PIP5K1C: variants seen among roughly 807,000 people sequenced by gnomAD.
The protein encoded by PIP5K1C is phosphatidylinositol-4-phosphate 5-kinase type 1 gamma, also known as phosphatidylinositol 4-phosphate 5-kinase type-1 gamma.
PIP5K1C carries 45 observed loss-of-function variants against 80.1 expected under a neutral mutation model. That is an observed-to-expected ratio of 0.56 (90% CI 0.44 to 0.72). The LOEUF (loss-of-function observed/expected upper bound fraction) is 0.72, where lower values mean the gene tolerates loss of function less well. Ranked by LOEUF, PIP5K1C falls within the 30% of genes least tolerant of loss-of-function variation. The pLI, the probability that PIP5K1C is intolerant of heterozygous loss-of-function variation, is 0.00. For synonymous variants in PIP5K1C, 498 were observed against 420.1 expected, an observed-to-expected ratio of 1.19 and a Z score of -2.27; for missense variants, 753 against 954.6, an observed-to-expected ratio of 0.79 and a Z score of 2.78.
Position 3,661,994 on chromosome 19 carries a change from G to T in PIP5K1C, c.227C>A (p.Ser76Tyr). ...CTGGATGGCACCCTTCAGGGTGGAG[G>T]AGGTGGTCTGCAGGGAGACCAGAGT... ...SGETTYKKTT[S>Y]STLKGAIQLG... Residue 76 changes from serine (S) to tyrosine (Y), a missense_variant, in exon 4 of 18, where the codon TCC becomes TAC. Ser to Tyr is a moderately radical substitution (Grantham distance 144). Transcript: ENST00000335312. 1 of 1,595,824 alleles carries T rather than the reference G, an allele frequency of 6.3e-7. No individual in the cohort carries two copies. The highest frequency in any genetic ancestry group is 8.5e-7 in the Non-Finnish European group (1 of 1,173,220).
Position 3,696,894 on chromosome 19 carries a change from TC to T in PIP5K1C, c.94+3402del, listed in dbSNP as rs1338724765. On this transcript the variant is annotated intron_variant, in intron 1 of 17. Coordinates refer to ENST00000335312, the MANE Select transcript of PIP5K1C (RefSeq NM_012398.3). This position sits in a 1 kb window ranked among gnomAD's most constrained non-coding sequence, Gnocchi z 4.1. The stretch of plus-strand genomic sequence containing the variant: ...GGGCCGCTGGTTTTTAATGGGGTCC[TC>T]CTGGAATGTGGGACAGGGAGCAGAG... Among the ~76,000 whole-genome samples, 1 of 152,130 alleles carries T rather than the reference TC, an allele frequency of 6.6e-6. No individual in the cohort carries two copies. The highest frequency in any genetic ancestry group is 1.5e-5 in the Non-Finnish European group (1 of 68,016).
chr19:3,686,376 C>T (rs926220906), intron 1 of PIP5K1C, among the ~76,000 whole-genome samples: 4 of 151,044 alleles, frequency 2.6e-5, no homozygotes, highest in Admixed American at 6.6e-5. Context: ...GCTGAGATCA[C>T]GCCACTGCAC....
At chr19:3,667,383 A>G in intron 1 of PIP5K1C, 30 bp from the exon 2 acceptor site, 2 of 1,612,688 alleles carry the variant, frequency 1.2e-6, no homozygotes, top group Non-Finnish European at 1.7e-6. Flanking sequence ...GGTATCAGAC[A>G]GGAAACCGGT....
intron 4 of PIP5K1C, 58 bp from the exon 5 acceptor site, chr19:3,661,141 C>G: frequency 8.5e-7 from 1 of 1,177,974 alleles, no homozygotes; most frequent in Non-Finnish European, 1.3e-6. Context: ...CTCCCCCACC[C>G]CCGCCATGGT....
rs149038860 is a variant in PIP5K1C at position 3,688,256 on chromosome 19, G to A, written c.94+12041C>T. 0.017 allele frequency among the ~76,000 whole-genome samples: 2,642 copies of A among 152,310 alleles called. 29 individuals carry two copies. The highest frequency in any genetic ancestry group is 0.029 in the Non-Finnish European group (2,001 of 68,014). On this transcript the variant is annotated intron_variant, in intron 1 of 17. Transcript: ENST00000335312. The surrounding 1 kb of genome is among the most constrained non-coding windows in gnomAD (Gnocchi z 5.3). Reference sequence around the variant, plus strand: ...CGTCCCTGTCCTCCAGGGGCGCAGCGTCCCTCCGGGGAGTACAGTGTCCCT... The same window carrying A: ...CGTCCCTGTCCTCCAGGGGCGCAGCATCCCTCCGGGGAGTACAGTGTCCCT...
rs1030119995 is a variant in PIP5K1C, at chr19:3,696,332, G to A, written c.94+3965C>T. Reference sequence around the variant, plus strand: ...AGCTCTTCCGGGCGCAGGGGATGCCGCAGGAGTGGCACAGACGGTCTTGGC... The same window carrying A: ...AGCTCTTCCGGGCGCAGGGGATGCCACAGGAGTGGCACAGACGGTCTTGGC... On this transcript the variant is annotated intron_variant, in intron 1 of 17. Coordinates refer to ENST00000335312, the MANE Select transcript of PIP5K1C (RefSeq NM_012398.3). The surrounding 1 kb of genome is among the most constrained non-coding windows in gnomAD (Gnocchi z 4.1). 2.6e-5 allele frequency among the ~76,000 whole-genome samples: 4 copies of A among 152,214 alleles called. No individual in the cohort carries two copies. The highest frequency in any genetic ancestry group is 4.8e-5 in the African/African-American group (2 of 41,450).
At chr19:3,667,210 G>A (rs1031868449) in intron 2 of PIP5K1C, 112 bp downstream of exon 2, 1 of 886,130 alleles carries the variant, frequency 1.1e-6, no homozygotes, top group Non-Finnish European at 1.8e-6. Context: ...GACGGCATTT[G>A]GGGCCCAGAG....
At chr19:3,693,321 G>A (rs963066955) in intron 1 of PIP5K1C, among the ~76,000 whole-genome samples, 3 of 152,120 alleles carry the variant, frequency 2.0e-5, no homozygotes, top group Admixed American at 6.6e-5. Context: ...GCCAGAGGCC[G>A]GGTCCCCTCG....
chr19:3,671,728 T>C (rs2035211387), intron 1 of PIP5K1C, among the ~76,000 whole-genome samples: 1 of 152,208 alleles, frequency 6.6e-6, no homozygotes, highest in Middle Eastern at 3.4e-3. Context: ...AGCACAGCCT[T>C]GCTGCCACCG....
Position 3,631,829 on chromosome 19 carries a change from C to T in PIP5K1C, c.*1338G>A, listed in dbSNP as rs1308071145. The stretch of plus-strand genomic sequence containing the variant: ...TCTCCGGCCGTCTCAGACCCCACAC[C>T]AGGCTCTGCCAGGTCTGGAGAGGAA... On this transcript the variant is annotated 3_prime_UTR_variant, in exon 18 of 18. Coordinates refer to ENST00000335312, the MANE Select transcript of PIP5K1C (RefSeq NM_012398.3). The T allele has an allele frequency of 1.3e-5, 2 of 152,264 alleles. No homozygotes were observed. Among genetic ancestry groups the T allele is most frequent in the African/African-American group, 2.4e-5 (1 of 41,464 alleles). The allele number at this position is 152,264 out of a possible 1,614,324, so 9.4% of individuals were successfully genotyped here.
chr19:3,673,543 G>A (rs1241288085), intron 1 of PIP5K1C, among the ~76,000 whole-genome samples: 3 of 152,308 alleles, frequency 2.0e-5, no homozygotes, highest in African/African-American at 7.2e-5. Flanking sequence ...CCCTGGGTGG[G>A]GCCGCTGCCC....
intron 6 of PIP5K1C, 139 bp from the exon 7 acceptor site, chr19:3,653,728 C>T (rs1003459673): frequency 3.9e-6 from 3 of 768,236 alleles, no homozygotes; most frequent in Non-Finnish European, 6.1e-6. Context: ...CTCGGGGACC[C>T]CGTTCCTATG....
At position 3,633,525 on chromosome 19, in the gene PIP5K1C, C is replaced by A; in HGVS notation, c.1921-5G>T. Reference sequence around the variant, plus strand: ...CCAGCTCCTCTCATCGGTGGGCTGGCAGGTGGGCGCGCGTGCAGGAGGGCG... The same window carrying A: ...CCAGCTCCTCTCATCGGTGGGCTGGAAGGTGGGCGCGCGTGCAGGAGGGCG... On this transcript the variant is annotated splice_region_variant and splice_polypyrimidine_tract_variant and intron_variant, in intron 16 of 17. Coordinates refer to ENST00000335312, the MANE Select transcript of PIP5K1C (RefSeq NM_012398.3). The A allele has an allele frequency of 2.0e-6, 3 of 1,485,496 alleles. No homozygotes were observed. The highest frequency in any genetic ancestry group is 2.7e-6 in the Non-Finnish European group (3 of 1,112,478). The allele number at this position is 1,485,496 out of a possible 1,614,324, so 92.0% of individuals were successfully genotyped here. A position where few individuals can be genotyped will look rare whatever the true frequency, so the allele number is the denominator to read the frequency against.
chr19:3,633,826 G>A (rs771984345), intron 16 of PIP5K1C, among the ~76,000 whole-genome samples: 8 of 152,064 alleles, frequency 5.3e-5, no homozygotes, highest in African/African-American at 7.2e-5. Context: ...TGGGGGTCGC[G>A]ACCTGGAGCA....
chr19:3,699,135 G>A lies in PIP5K1C; in HGVS notation c.94+1162C>T, dbSNP rs572438518. 3.7e-3 allele frequency among the ~76,000 whole-genome samples: 561 copies of A among 152,070 alleles called. 7 individuals carry two copies. Among genetic ancestry groups the A allele is most frequent in the African/African-American group, 0.013 (521 of 41,470 alleles). Reference sequence around the variant, plus strand: ...AGAGGGCTGACAGCGGAAGTTGGGGGGCCCAAGAAAGGAACCCGGGCTGGG... The same window carrying A: ...AGAGGGCTGACAGCGGAAGTTGGGGAGCCCAAGAAAGGAACCCGGGCTGGG... On this transcript the variant is annotated intron_variant, in intron 1 of 17. Coordinates refer to ENST00000335312, the MANE Select transcript of PIP5K1C (RefSeq NM_012398.3).
intron 1 of PIP5K1C, among the ~76,000 whole-genome samples, chr19:3,685,656 G>A (rs1290322811): frequency 6.6e-6 from 1 of 151,954 alleles, no homozygotes; most frequent in African/African-American, 2.4e-5. Flanking sequence ...CGTGAACCCG[G>A]GAGGCGGAGC....
At chr19:3,693,404 G>A (rs920482202) in intron 1 of PIP5K1C, among the ~76,000 whole-genome samples, 2 of 152,162 alleles carry the variant, frequency 1.3e-5, no homozygotes, top group African/African-American at 2.4e-5. Context: ...GGCCTCTCAG[G>A]GTGGCGGGGA....
At chr19:3,634,275 C>T (rs186308932) in intron 16 of PIP5K1C, among the ~76,000 whole-genome samples, 47 of 152,204 alleles carry the variant, frequency 3.1e-4, no homozygotes, top group African/African-American at 1.0e-3. Flanking sequence ...ACCTCCGTCC[C>T]GCCTCCTGAG....
intron 6 of PIP5K1C, among the ~76,000 whole-genome samples, chr19:3,655,443 G>A (rs2034590373): frequency 6.6e-6 from 1 of 152,200 alleles, no homozygotes; most frequent in Non-Finnish European, 1.5e-5. Context: ...AAATAAAAAA[G>A]TGGAGAAATA....
Sources: gnomAD v4.1 joint callset for allele counts (sites outside exome capture counted in the v4.1 genomes callset) on GRCh38, gnomAD v4.1.1 for gene constraint, Gnocchi (gnomAD v3.1) non-coding constraint, MANE v1.5 for transcripts, NCBI Gene and HGNC (gene_info 2026-07-23, HGNC 2026-07-21) for gene names.